Variants in STPG4 observed in about 807,000 individuals in gnomAD.
STPG4 encodes the protein protein STPG4.
In STPG4, 41 loss-of-function variants were observed where a neutral mutation model predicts 31.5. The ratio of observed to expected loss-of-function variants is 1.30; its 90% confidence interval spans 1.01 to 1.69. The LOEUF is 1.69. Among genes scored for constraint, STPG4 ranks in the 40% most tolerant of loss-of-function variants. The pLI is 0.00. For synonymous variants in STPG4, 141 were observed against 103.0 expected (o/e 1.37, Z -2.24); for missense variants, 375 against 293.4 (o/e 1.28, Z -2.03).
intron 5 of STPG4, among the ~76,000 whole-genome samples, chr2:47,110,202 C>A (rs1686007944): frequency 6.6e-6 from 1 of 152,204 alleles, no homozygotes; most frequent in Non-Finnish European, 1.5e-5. Flanking sequence ...AATTAAGTAG[C>A]AGAAAGTGGG....
At chr2:47,099,975 A>G (rs1353268935) in intron 5 of STPG4, among the ~76,000 whole-genome samples, 1 of 152,146 alleles carries the variant, frequency 6.6e-6, no homozygotes, top group Admixed American at 6.5e-5. Flanking sequence ...CCCAAGGGGC[A>G]GGGCTCGGGA....
rs1374848044 is a variant in STPG4 at position 47,139,391 on chromosome 2, T to C, written c.400-9131A>G. 2.1e-5 allele frequency among the ~76,000 whole-genome samples: 3 copies of C among 141,112 alleles called. No individual in the cohort carries two copies. The East Asian group carries it at 6.4e-4, about 30-fold the overall frequency. The allele number at this position is 141,112 out of a possible 152,430, so 92.6% of individuals were successfully genotyped here. On this transcript the variant is annotated intron_variant, in intron 3 of 6. Transcript: ENST00000445927. ...ATGTCTGCTCTGTTTGAAACTAATATAGCTTCTCCTGCTTTATTTTTTTTT... is the reference window on the plus strand; with the variant it reads ...ATGTCTGCTCTGTTTGAAACTAATACAGCTTCTCCTGCTTTATTTTTTTTT...
intron 6 of STPG4, among the ~76,000 whole-genome samples, chr2:47,089,029 C>T (rs894017700): frequency 6.6e-6 from 1 of 152,146 alleles, no homozygotes; most frequent in Non-Finnish European, 1.5e-5. Context: ...CCACCAACAA[C>T]CTTCTGGTTG....
intron 5 of STPG4, among the ~76,000 whole-genome samples, chr2:47,100,226 T>C (rs1323334133): frequency 2.6e-5 from 4 of 152,118 alleles, no homozygotes; most frequent in African/African-American, 9.7e-5. Flanking sequence ...AGAACCTTTA[T>C]GTCTAGCTCA....
chr2:47,087,907 A>G (rs1348566685), intron 6 of STPG4, among the ~76,000 whole-genome samples: 6 of 150,630 alleles, frequency 4.0e-5, no homozygotes, highest in Non-Finnish European at 8.9e-5. Context: ...CGCCACCACC[A>G]CACCCAGCTA....
intron 3 of STPG4, among the ~76,000 whole-genome samples, chr2:47,147,100 CT>C (rs1439858707): frequency 2.0e-5 from 3 of 152,106 alleles, no homozygotes; most frequent in Non-Finnish European, 4.4e-5. Flanking sequence ...GATTGTGCCA[CT>C]GTACTGTAGC....
At chr2:47,097,852 T>C (rs1436984206) in intron 5 of STPG4, among the ~76,000 whole-genome samples, 1 of 151,924 alleles carries the variant, frequency 6.6e-6, no homozygotes, top group African/African-American at 2.4e-5. Flanking sequence ...ATGCAGTGGC[T>C]CACGCCTGTA....
intron 5 of STPG4, among the ~76,000 whole-genome samples, chr2:47,120,461 G>A (rs949564290): frequency 2.0e-5 from 3 of 152,174 alleles, no homozygotes; most frequent in Non-Finnish European, 4.4e-5. Flanking sequence ...CAGCTATTCA[G>A]GAGGCTGAAG....
intron 3 of STPG4, among the ~76,000 whole-genome samples, chr2:47,137,108 G>A (rs994347600): frequency 6.6e-6 from 1 of 152,152 alleles, no homozygotes. Context: ...CATTAAGTAT[G>A]ATGCTAGCTG....
chr2:47,127,462 T>G (rs950672817), intron 5 of STPG4, among the ~76,000 whole-genome samples: 5 of 152,034 alleles, frequency 3.3e-5, no homozygotes, highest in Admixed American at 2.0e-4. Flanking sequence ...AGAGACAAGC[T>G]TTTGCCATGT....
At chr2:47,100,697 G>C (rs1685778681) in intron 5 of STPG4, among the ~76,000 whole-genome samples, 1 of 151,678 alleles carries the variant, frequency 6.6e-6, no homozygotes, top group Non-Finnish European at 1.5e-5. Context: ...AAGGTCTGCA[G>C]CTTCACTCCT....
At chr2:47,105,640 T>G (rs944497680) in intron 5 of STPG4, among the ~76,000 whole-genome samples, 1 of 152,038 alleles carries the variant, frequency 6.6e-6, no homozygotes, top group African/African-American at 2.4e-5. Flanking sequence ...TGGAAGTTCA[T>G]TTGTGGAGAA....
chr2:47,120,316 G>C (rs1167286459), intron 5 of STPG4, among the ~76,000 whole-genome samples: 1 of 152,180 alleles, frequency 6.6e-6, no homozygotes, highest in Non-Finnish European at 1.5e-5. Flanking sequence ...GGGCGACAGA[G>C]TGAGACTCTG....
chr2:47,115,900 T>G (rs766123078), intron 5 of STPG4, among the ~76,000 whole-genome samples: 15 of 152,194 alleles, frequency 9.9e-5, no homozygotes, highest in Admixed American at 4.6e-4. Flanking sequence ...GCAATCCACC[T>G]GCCTCGGGCT....
intron 5 of STPG4, among the ~76,000 whole-genome samples, chr2:47,123,206 A>G (rs1274208724): frequency 1.3e-5 from 2 of 152,202 alleles, no homozygotes; most frequent in South Asian, 2.1e-4. Flanking sequence ...CTATTTATCT[A>G]AAAGAGTTCA....
At chr2:47,112,867 C>T (rs1573166702) in intron 5 of STPG4, among the ~76,000 whole-genome samples, 2 of 152,026 alleles carry the variant, frequency 1.3e-5, no homozygotes, top group East Asian at 3.9e-4. Context: ...CATGATGACA[C>T]ACACCTATTA....
chr2:47,141,614 C>T (rs1686710098), intron 3 of STPG4, among the ~76,000 whole-genome samples: 2 of 151,618 alleles, frequency 1.3e-5, no homozygotes, highest in East Asian at 3.9e-4. Flanking sequence ...TTGAGTGCTA[C>T]TTTTTTTCAT....
intron 5 of STPG4, among the ~76,000 whole-genome samples, chr2:47,109,506 G>A (rs1380174188): frequency 2.7e-5 from 4 of 149,424 alleles, no homozygotes; most frequent in Non-Finnish European, 4.4e-5. Context: ...GCAGTGAGCC[G>A]AGATCCTGCC....
At chr2:47,087,238 G>T in intron 6 of STPG4, 108 bp from the exon 7 acceptor site, 1 of 1,298,256 alleles carries the variant, frequency 7.7e-7, no homozygotes, top group Non-Finnish European at 1.1e-6. Flanking sequence ...CCCCAAGGAT[G>T]AAGACCAGGG....
Sources: allele counts gnomAD v4.1 joint callset (sites outside exome capture counted in the v4.1 genomes callset), GRCh38; gene constraint gnomAD v4.1.1; transcripts MANE v1.5; gene names NCBI Gene and HGNC (gene_info 2026-07-23, HGNC 2026-07-21).